CACNA1I: variants seen among roughly 807,000 people sequenced by gnomAD.
CACNA1I encodes calcium voltage-gated channel subunit alpha1 I.
A neutral mutation model predicts 201.6 loss-of-function variants in CACNA1I; 74 were observed. The observed-to-expected ratio is 0.37, with a 90% CI of 0.30 to 0.45. CACNA1I has a LOEUF of 0.45. Ranked by LOEUF, CACNA1I falls within the 20% of genes least tolerant of loss-of-function variation. CACNA1I has a pLI of 1.00. For missense variants in CACNA1I, 2,346 were observed against 3,138.1 expected, an observed-to-expected ratio of 0.75 and a Z score of 6.03; for synonymous variants, 1,431 against 1,345.2, an observed-to-expected ratio of 1.06 and a Z score of -1.40.
intron 7 of CACNA1I, among the ~76,000 whole-genome samples, 180 bp downstream of exon 7, chr22:39,643,069 CA>C (rs976389393): frequency 6.6e-6 from 1 of 152,282 alleles, no homozygotes; most frequent in African/African-American, 2.4e-5. Flanking sequence ...AGGGGCTCAT[CA>C]GGGGCGGCTG....
chr22:39,685,469 G>A lies in CACNA1I; in HGVS notation c.6028-292G>A, dbSNP rs116543940. 4.6e-3 allele frequency among the ~76,000 whole-genome samples: 705 copies of A among 151,768 alleles called. 2 individuals carry two copies. Among genetic ancestry groups the A allele is most frequent in the African/African-American group, 0.016 (676 of 41,350 alleles). ...GTGCCACGTGCCCTGGGGGAGGGCG[G>A]TGGGCCCAGGGCTTCCCCTTGGAGT... On this transcript the variant is annotated intron_variant, in intron 36 of 36. Transcript: ENST00000402142. This position sits in a 1 kb window ranked among gnomAD's most constrained non-coding sequence, Gnocchi z 5.0.
In CACNA1I at chr22:39,632,695, G is replaced by C. The variant is rs966572160; in HGVS notation, c.581-1870G>C. Among the ~76,000 whole-genome samples the C allele has an allele frequency of 2.6e-5, 4 of 152,256 alleles. No homozygotes were observed. In the East Asian group the frequency reaches 7.7e-4, roughly 29 times the overall value. ...GGCATTTACTATGTGTTTCATGAAT[G>C]AATGAGTGAGTGAATGAATGAATGA... On this transcript the variant is annotated intron_variant, in intron 4 of 36. Coordinates refer to ENST00000402142, the MANE Select transcript of CACNA1I (RefSeq NM_021096.4).
chr22:39,674,635 C>T (rs1935468085), intron 29 of CACNA1I, among the ~76,000 whole-genome samples: 1 of 152,124 alleles, frequency 6.6e-6, no homozygotes, highest in African/African-American at 2.4e-5. Flanking sequence ...TTTTCATCCT[C>T]CCGAGAATTC....
chr22:39,573,501 T>C (rs1051109559), intron 1 of CACNA1I, among the ~76,000 whole-genome samples: 4 of 151,978 alleles, frequency 2.6e-5, no homozygotes, highest in Admixed American at 6.6e-5. Flanking sequence ...TGTGTGACCC[T>C]GGGCAGTCTC....
At chr22:39,634,468 C>G (rs1934152386) in intron 4 of CACNA1I, 97 bp from the exon 5 acceptor site, 1 of 1,173,386 alleles carries the variant, frequency 8.5e-7, no homozygotes. Context: ...TAATGCATCC[C>G]CCTCCCCCTC....
rs60876866 is a variant in CACNA1I at position 39,585,390 on chromosome 22, T to C, written c.237-12761T>C. 2.6e-4 allele frequency among the ~76,000 whole-genome samples: 15 copies of C among 57,830 alleles called. No homozygotes were observed. In the East Asian group the frequency reaches 0.011, roughly 41 times the overall value. The allele number at this position is 57,830 out of a possible 152,430, so 37.9% of individuals were successfully genotyped here. A position where few individuals can be genotyped will look rare whatever the true frequency, so the allele number is the denominator to read the frequency against. ...TTTTTCTTTCTTTCTTTCTTTCTTT[T>C]TTTTTTTTTTTTTTTTTGAGACTGA... is the stretch of plus-strand genomic sequence containing the variant. On this transcript the variant is annotated intron_variant, in intron 1 of 36. Transcript: ENST00000402142.
chr22:39,650,052 G>A, intron 10 of CACNA1I, 127 bp downstream of exon 10: 1 of 1,024,896 alleles, frequency 9.8e-7, no homozygotes, highest in Non-Finnish European at 1.5e-6. Flanking sequence ...GTGCCGGGCT[G>A]AGCTGGGTCC....
chr22:39,597,929 G>T (rs934889768), intron 1 of CACNA1I, among the ~76,000 whole-genome samples: 1 of 152,204 alleles, frequency 6.6e-6, no homozygotes, highest in Non-Finnish European at 1.5e-5. Flanking sequence ...TCCTGCAGCT[G>T]GGGGCCTGGT....
At chr22:39,608,723 G>A (rs1933295311) in intron 3 of CACNA1I, among the ~76,000 whole-genome samples, 2 of 152,054 alleles carry the variant, frequency 1.3e-5, no homozygotes, top group Non-Finnish European at 2.9e-5. Flanking sequence ...AGGAGGCTGA[G>A]GTGGGAGGAT....
intron 1 of CACNA1I, among the ~76,000 whole-genome samples, chr22:39,592,445 CCT>C (rs914649228): frequency 2.0e-5 from 3 of 152,134 alleles, no homozygotes; most frequent in African/African-American, 4.8e-5. Flanking sequence ...GATTTCTGCC[CCT>C]GTTTTCCATC....
At chr22:39,660,859 C>T (rs1934984860) in intron 15 of CACNA1I, among the ~76,000 whole-genome samples, 1 of 152,110 alleles carries the variant, frequency 6.6e-6, no homozygotes, top group African/African-American at 2.4e-5. Flanking sequence ...AGTGAGGTGT[C>T]AGGCTGGTTC....
chr22:39,637,893 C>G (rs1934259240), intron 5 of CACNA1I, among the ~76,000 whole-genome samples: 1 of 152,048 alleles, frequency 6.6e-6, no homozygotes, highest in Non-Finnish European at 1.5e-5. Flanking sequence ...ACATGTAGGT[C>G]TGACGTCCAA....
chr22:39,622,607 C>T (rs956639369), intron 4 of CACNA1I, among the ~76,000 whole-genome samples: 8 of 3,988 alleles, frequency 2.0e-3, no homozygotes, highest in Non-Finnish European at 2.9e-3. Flanking sequence ...GTGGGGGGGG[C>T]GGTGGGGGGG....
intron 20 of CACNA1I, 42 bp downstream of exon 20, chr22:39,664,201 C>T (rs768026539): frequency 1.9e-6 from 3 of 1,548,258 alleles, no homozygotes; most frequent in Non-Finnish European, 1.8e-6. Context: ...AGCCCCAGCT[C>T]GGGCCCCTGG....
At chr22:39,616,253 C>T (rs527513105) in intron 3 of CACNA1I, among the ~76,000 whole-genome samples, 143 of 152,178 alleles carry the variant, frequency 9.4e-4, no homozygotes, top group Non-Finnish European at 1.5e-3. Flanking sequence ...GGGCGGATGG[C>T]GGGGAGGTTG....
chr22:39,678,315 C>T (rs1485005628), intron 31 of CACNA1I, among the ~76,000 whole-genome samples: 1 of 152,236 alleles, frequency 6.6e-6, no homozygotes, highest in Non-Finnish European at 1.5e-5. Context: ...ACTGCCTCAT[C>T]CCCCAGTGTT....
At chr22:39,627,265 G>A (rs1933925214) in intron 4 of CACNA1I, among the ~76,000 whole-genome samples, 1 of 152,206 alleles carries the variant, frequency 6.6e-6, no homozygotes. Flanking sequence ...GTCTGCTCCA[G>A]ACCTCTGAGT....
At chr22:39,638,884 T>C (rs136818) in intron 5 of CACNA1I, among the ~76,000 whole-genome samples, 96,233 of 151,990 alleles carry the variant, frequency 0.63, 31,594 homozygotes, top group East Asian at 0.99. Context: ...AACCTAGATC[T>C]CTTGAGTGTG....
chr22:39,646,492 C>T, intron 7 of CACNA1I, 77 bp from the exon 8 acceptor site: 1 of 1,477,814 alleles, frequency 6.8e-7, no homozygotes, highest in Non-Finnish European at 9.0e-7. Context: ...GTCCCCACTC[C>T]ATGACTCTGC....
Sources: allele counts gnomAD v4.1 joint callset (sites outside exome capture counted in the v4.1 genomes callset), GRCh38; gene constraint gnomAD v4.1.1; non-coding constraint Gnocchi (gnomAD v3.1); transcripts MANE v1.5; gene names NCBI Gene and HGNC (gene_info 2026-07-23, HGNC 2026-07-21).